The following TTC39A variants were observed in gnomAD, a reference collection of about 807,000 sequenced individuals.
TTC39A encodes the protein tetratricopeptide repeat protein 39A.
A neutral mutation model predicts 82.3 loss-of-function variants in TTC39A; 46 were observed. The observed-to-expected ratio is 0.56, with a 90% CI of 0.44 to 0.71. The LOEUF is 0.71. Ranked by LOEUF, TTC39A falls within the 30% of genes least tolerant of loss-of-function variation. The pLI is 0.00. For synonymous variants in TTC39A, 254 were observed against 275.2 expected (o/e 0.92, Z 0.76); for missense variants, 543 against 712.9 (o/e 0.76, Z 2.71).
At position 51,312,913 on chromosome 1, in the gene TTC39A, T is replaced by C. The variant is rs117553702; in HGVS notation, c.177A>G (p.Thr59=). 232 of 1,613,754 alleles carry C rather than the reference T, an allele frequency of 1.4e-4. 1 individual carries two copies. In the East Asian group the frequency reaches 4.5e-3, roughly 31 times the overall value. The part of the protein sequence containing the change: ...RTKESMYHSL[T]YATILEMQAM... ...CCTGCATCTCCAGGATGGTGGCATA[T>C]GTCAGTGAGTGGTACATGCTTTCCT... The change falls in exon 3 of 18, where the codon ACA becomes ACG. Residue 59 remains threonine, a synonymous_variant. Transcript: ENST00000680483.
chr1:51,333,456 G>A (rs114699875), upstream of TTC39A, among the ~76,000 whole-genome samples: 1,305 of 152,378 alleles, frequency 8.6e-3, 16 homozygotes, highest in African/African-American at 0.029. Context: ...AGCCTTGGCA[G>A]GGGCCAGGTA....
intron 1 of TTC39A, among the ~76,000 whole-genome samples, chr1:51,344,603 C>T (rs1201335879): frequency 1.3e-5 from 2 of 152,242 alleles, no homozygotes; most frequent in African/African-American, 4.8e-5. Flanking sequence ...AGCGTGCCCA[C>T]ACTTGGCTCA....
At chr1:51,297,242 G>C (rs1644469540) in intron 12 of TTC39A, 1 of 149,062 alleles carries the variant, frequency 6.7e-6, no homozygotes, top group African/African-American at 2.5e-5. Flanking sequence ...ATGTGGTCTC[G>C]CTCTGTCGCC....
intron 2 of TTC39A, among the ~76,000 whole-genome samples, chr1:51,313,828 G>A (rs969829915): frequency 2.6e-5 from 4 of 152,204 alleles, no homozygotes; most frequent in African/African-American, 9.6e-5. Context: ...GTGAGACACT[G>A]TCTCTAAAAA....
At chr1:51,329,181 G>A (rs1202169687) in intron 1 of TTC39A, among the ~76,000 whole-genome samples, 1 of 152,146 alleles carries the variant, frequency 6.6e-6, no homozygotes, top group Non-Finnish European at 1.5e-5. Context: ...TTTCAGCCAG[G>A]GAGTCTAGAC....
rs183808624 is a variant in TTC39A, at chr1:51,329,045, A to G, written c.41+1392T>C. 5.7e-3 allele frequency among the ~76,000 whole-genome samples: 871 copies of G among 152,332 alleles called. 10 individuals are homozygous for G. Among genetic ancestry groups the G allele is most frequent in the African/African-American group, 0.019 (804 of 41,562 alleles). On this transcript the variant is annotated intron_variant, in intron 1 of 17. Transcript: ENST00000680483. ...AGGCAGGTACGGTTCTGCATAAGGA[A>G]GACCCACCAGCGTGAGAAGAGCAAG...
chr1:51,322,325 G>A (rs1312183200), intron 1 of TTC39A: 14 of 1,388,698 alleles, frequency 1.0e-5, no homozygotes, highest in African/African-American at 5.9e-5. Flanking sequence ...AGCCCCAAAC[G>A]AGAGGCCCAG....
At chr1:51,329,156 T>G (rs1480922876) in intron 1 of TTC39A, among the ~76,000 whole-genome samples, 1 of 152,084 alleles carries the variant, frequency 6.6e-6, no homozygotes, top group Non-Finnish European at 1.5e-5. Context: ...TATAAGGAAG[T>G]GGGATGAATG....
At chr1:51,293,979 T>C (rs997233768) in intron 14 of TTC39A, among the ~76,000 whole-genome samples, 1 of 152,216 alleles carries the variant, frequency 6.6e-6, no homozygotes, top group African/African-American at 2.4e-5. Context: ...TCGATAACGA[T>C]GTTGGCTATT....
chr1:51,309,543 C>G, intron 5 of TTC39A: 1 of 1,180,316 alleles, frequency 8.5e-7, no homozygotes, highest in Non-Finnish European at 1.1e-6. Context: ...ATACTCTGTG[C>G]TTGGAGAGAG....
intron 11 of TTC39A, 194 bp from the exon 12 acceptor site, chr1:51,301,927 C>A: frequency 1.4e-6 from 1 of 730,820 alleles, no homozygotes; most frequent in East Asian, 2.7e-5. Flanking sequence ...CTAAGTCTTA[C>A]ATGACGTTGG....
rs193171818 is a variant in TTC39A, at chr1:51,295,891, G to C, written c.1145+188C>G. 3.8e-3 allele frequency: 2,271 copies of C among 598,190 alleles called. 6 individuals are homozygous for C. Among genetic ancestry groups the C allele is most frequent in the Non-Finnish European group, 5.4e-3 (1,783 of 333,074 alleles). 37.1% of individuals were successfully genotyped at this position (598,190 alleles called of 1,614,324 possible). Reference sequence around the variant, plus strand: ...GAAAGTCAAAGGGCTCCAACCACCAGCAGCAGCAGCATGGGGTGGTGATGG... The same window carrying C: ...GAAAGTCAAAGGGCTCCAACCACCACCAGCAGCAGCATGGGGTGGTGATGG... On this transcript the variant is annotated intron_variant, in intron 13 of 17. Transcript: ENST00000680483.
At chr1:51,340,532 T>G (rs1646021719) in intron 1 of TTC39A, among the ~76,000 whole-genome samples, 1 of 152,148 alleles carries the variant, frequency 6.6e-6, no homozygotes, top group South Asian at 2.1e-4. Flanking sequence ...CCGCCCCCTT[T>G]CTCCTCCCCT....
At chr1:51,342,482 AT>A (rs1646048977) in intron 1 of TTC39A, among the ~76,000 whole-genome samples, 2 of 152,230 alleles carry the variant, frequency 1.3e-5, no homozygotes, top group Non-Finnish European at 2.9e-5. Flanking sequence ...CAATGAATCA[AT>A]GTCAAAGAGC....
intron 1 of TTC39A, chr1:51,322,173 G>GC (rs753128478): frequency 2.9e-5 from 45 of 1,540,742 alleles, no homozygotes; most frequent in East Asian, 2.0e-4. Context: ...GGGCTCTGCT[G>GC]CCCCCCCAGG....
chr1:51,301,412 TG>T, intron 12 of TTC39A, 159 bp downstream of exon 12: 1 of 888,600 alleles, frequency 1.1e-6, no homozygotes, highest in Non-Finnish European at 1.6e-6. Flanking sequence ...GTTTCTCTTG[TG>T]GTCTTTAGTT....
intron 2 of TTC39A, among the ~76,000 whole-genome samples, chr1:51,320,592 T>C (rs886608572): frequency 6.6e-6 from 1 of 151,640 alleles, no homozygotes; most frequent in African/African-American, 2.4e-5. Context: ...GCTGAGACTA[T>C]AGGCGCACAC....
In TTC39A at chr1:51,290,043, G is replaced by A; in HGVS notation, c.1455C>T (p.Val485=). The change falls in exon 16 of 18, where the codon GTC becomes GTT. Residue 485 remains valine, a synonymous_variant. Transcript: ENST00000680483. ...KGLCLKYLGR[V]QEAEENFRSI... The stretch of plus-strand genomic sequence containing the variant: ...TCCTAAAATTCTCCTCGGCCTCCTG[G>A]ACACGGCCCAGGTATTTCAGACACA... The A allele has an allele frequency of 6.2e-7, 1 of 1,613,930 alleles. No individual in the cohort carries two copies. Among genetic ancestry groups the A allele is most frequent in the South Asian group, 1.1e-5 (1 of 91,072 alleles).
chr1:51,336,316 G>A (rs1350133646), upstream of TTC39A, among the ~76,000 whole-genome samples: 2 of 152,030 alleles, frequency 1.3e-5, no homozygotes, highest in Non-Finnish European at 2.9e-5. Context: ...TCTGCCCCCC[G>A]CTAGCTCTGT....
Sources: gnomAD v4.1 joint callset for allele counts (sites outside exome capture counted in the v4.1 genomes callset) on GRCh38, gnomAD v4.1.1 for gene constraint, MANE v1.5 for transcripts, NCBI Gene and HGNC (gene_info 2026-07-23, HGNC 2026-07-21) for gene names.